The following AOPEP variants were observed in gnomAD, a reference collection of about 807,000 sequenced individuals.
The protein encoded by AOPEP is aminopeptidase O (putative).
Under a neutral mutation model 98.1 loss-of-function variants are expected in AOPEP, and 77 were observed. The observed-to-expected ratio is 0.78, with a 90% CI of 0.65 to 0.95. The LOEUF is 0.95. Among genes scored for constraint, AOPEP ranks in the 40% least tolerant of loss-of-function variants. AOPEP has a pLI of 0.00. For missense variants in AOPEP, 1,024 were observed against 1,024.7 expected, an observed-to-expected ratio of 1.00 and a Z score of 0.01; for synonymous variants, 346 against 365.3, an observed-to-expected ratio of 0.95 and a Z score of 0.60.
At chr9:94,882,944 T>G (rs748539947) in intron 5 of AOPEP, among the ~76,000 whole-genome samples, 9 of 152,234 alleles carry the variant, frequency 5.9e-5, no homozygotes, top group Non-Finnish European at 1.2e-4. Flanking sequence ...AGCTACAGTC[T>G]CTGATTCTTT....
At chr9:94,985,174 C>G (rs1472998050) in intron 11 of AOPEP, among the ~76,000 whole-genome samples, 1 of 152,242 alleles carries the variant, frequency 6.6e-6, no homozygotes. Flanking sequence ...GGGAAATGAG[C>G]CGACAATAAT....
At chr9:94,882,938 A>G (rs73538140) in intron 5 of AOPEP, among the ~76,000 whole-genome samples, 1,703 of 152,316 alleles carry the variant, frequency 0.011, 31 homozygotes, top group African/African-American at 0.038. Flanking sequence ...CTCAGAAGCT[A>G]CAGTCTCTGA....
intron 13 of AOPEP, among the ~76,000 whole-genome samples, chr9:95,043,959 G>A (rs1258161714): frequency 6.6e-6 from 1 of 152,226 alleles, no homozygotes; most frequent in African/African-American, 2.4e-5. Flanking sequence ...GGTGTATTAA[G>A]TGGCTTGACC....
chr9:95,029,401 G>T (rs1271748166), intron 13 of AOPEP, among the ~76,000 whole-genome samples: 2 of 152,138 alleles, frequency 1.3e-5, no homozygotes, highest in African/African-American at 4.8e-5. Context: ...AAACCGGTGT[G>T]GCCCCTTCCA....
chr9:94,741,391 GC>G (rs931801548), intron 1 of AOPEP, among the ~76,000 whole-genome samples: 4 of 151,826 alleles, frequency 2.6e-5, no homozygotes, highest in Non-Finnish European at 5.9e-5. Context: ...TTCTGCTTCA[GC>G]CCCCCGAGTA....
chr9:95,053,671 C>T (rs1344360373), intron 13 of AOPEP, among the ~76,000 whole-genome samples: 1 of 151,822 alleles, frequency 6.6e-6, no homozygotes, highest in Non-Finnish European at 1.5e-5. Flanking sequence ...ATATTACGTA[C>T]ACTGTTATTA....
At chr9:94,861,919 T>C (rs937822154) in intron 5 of AOPEP, among the ~76,000 whole-genome samples, 1 of 152,230 alleles carries the variant, frequency 6.6e-6, no homozygotes, top group Non-Finnish European at 1.5e-5. Flanking sequence ...GGTGCTCTTC[T>C]TGTCCTCAGA....
At chr9:95,135,470 A>G in the AOPEP span, 1 of 1,614,102 alleles carries the variant, frequency 6.2e-7, no homozygotes, top group Admixed American at 1.7e-5. Flanking sequence ...CCAGAGGCAG[A>G]CTACAGCTGA....
intron 11 of AOPEP, among the ~76,000 whole-genome samples, chr9:94,988,288 C>A (rs1265077781): frequency 1.3e-5 from 2 of 152,316 alleles, no homozygotes; most frequent in East Asian, 3.9e-4. Flanking sequence ...AAATCCTACT[C>A]ACGACGGGGA....
Position 94,889,182 on chromosome 9 carries a change from T to C in AOPEP, c.1365-34804T>C, listed in dbSNP as rs536730044. Reference sequence around the variant, plus strand: ...CTAATTTTTGTATTTTTAGTAGAGATGGGGTTTCACCATGTTGGCCAGGCT... The same window carrying C: ...CTAATTTTTGTATTTTTAGTAGAGACGGGGTTTCACCATGTTGGCCAGGCT... On this transcript the variant is annotated intron_variant, in intron 5 of 16. Transcript: ENST00000375315. Among the ~76,000 whole-genome samples, 291 of 152,188 alleles carry C rather than the reference T, an allele frequency of 1.9e-3. 1 individual carries two copies. Among genetic ancestry groups the C allele is most frequent in the African/African-American group, 6.6e-3 (273 of 41,540 alleles).
At chr9:94,911,691 A>G (rs772912858) in intron 5 of AOPEP, among the ~76,000 whole-genome samples, 1 of 152,188 alleles carries the variant, frequency 6.6e-6, no homozygotes, top group Non-Finnish European at 1.5e-5. Context: ...ATAATACATA[A>G]TTAGTGTTGG....
intron 3 of AOPEP, among the ~76,000 whole-genome samples, chr9:94,792,269 C>G (rs1456353711): frequency 6.6e-6 from 1 of 152,190 alleles, no homozygotes; most frequent in Non-Finnish European, 1.5e-5. Context: ...GTCTCCCTTC[C>G]CTAGTCTCAT....
chr9:94,957,234 A>G (rs1396628834), intron 9 of AOPEP, among the ~76,000 whole-genome samples: 2 of 152,088 alleles, frequency 1.3e-5, no homozygotes, highest in Non-Finnish European at 1.5e-5. Context: ...TTGGAGACAG[A>G]TTCTCCTCTG....
At chr9:94,889,621 A>G (rs1459882490) in intron 5 of AOPEP, among the ~76,000 whole-genome samples, 19 of 152,054 alleles carry the variant, frequency 1.2e-4, no homozygotes, top group Non-Finnish European at 2.9e-5. Flanking sequence ...CCAAAGTGCT[A>G]GGATTACAGG....
chr9:94,914,615 C>T (rs1284497615), intron 5 of AOPEP, among the ~76,000 whole-genome samples: 2 of 150,752 alleles, frequency 1.3e-5, no homozygotes, highest in Non-Finnish European at 2.9e-5. Flanking sequence ...CCTAGTGTGG[C>T]CACATCTTTC....
intron 5 of AOPEP, among the ~76,000 whole-genome samples, chr9:94,869,800 G>A (rs996197801): frequency 3.7e-4 from 57 of 152,074 alleles, no homozygotes; most frequent in Middle Eastern, 3.4e-3. Flanking sequence ...TTTTCCTTTA[G>A]GTAATCATTG....
intron 11 of AOPEP, among the ~76,000 whole-genome samples, chr9:95,002,898 A>G (rs980074234): frequency 6.6e-6 from 1 of 152,222 alleles, no homozygotes; most frequent in African/African-American, 2.4e-5. Flanking sequence ...GGGACAAAGG[A>G]CAAACGAGAC....
intron 9 of AOPEP, among the ~76,000 whole-genome samples, chr9:94,956,663 C>T (rs1259021168): frequency 1.3e-5 from 2 of 152,188 alleles, no homozygotes; most frequent in East Asian, 3.8e-4. Flanking sequence ...CCTGTCAGCT[C>T]GTATGGGCAT....
At chr9:94,791,425 C>T (rs553614722) in intron 3 of AOPEP, among the ~76,000 whole-genome samples, 2 of 151,638 alleles carry the variant, frequency 1.3e-5, no homozygotes, top group South Asian at 4.2e-4. Flanking sequence ...TCCAGCACTT[C>T]AGGAGGCCAA....
Sources: gnomAD v4.1 joint callset for allele counts (sites outside exome capture counted in the v4.1 genomes callset) on GRCh38, gnomAD v4.1.1 for gene constraint, MANE v1.5 for transcripts, NCBI Gene and HGNC (gene_info 2026-07-23, HGNC 2026-07-21) for gene names.